The following PIP4K2A variants were observed in gnomAD, a reference collection of about 807,000 sequenced individuals.
PIP4K2A encodes the protein phosphatidylinositol 5-phosphate 4-kinase type-2 alpha.
In PIP4K2A, 14 loss-of-function variants were observed where a neutral mutation model predicts 42.9. The observed-to-expected ratio is 0.33, with a 90% CI of 0.22 to 0.51. The LOEUF is 0.51. Ranked by LOEUF, PIP4K2A falls within the 20% of genes least tolerant of loss-of-function variation. The pLI is 0.97. For synonymous variants in PIP4K2A, 192 were observed against 192.2 expected, an observed-to-expected ratio of 1.00 and a Z score of 0.01; for missense variants, 434 against 519.8, an observed-to-expected ratio of 0.83 and a Z score of 1.61.
intron 4 of PIP4K2A, 107 bp downstream of exon 4, chr10:22,591,522 G>A: frequency 8.0e-6 from 7 of 870,662 alleles, no homozygotes; most frequent in Non-Finnish European, 1.2e-5. Context: ...TATGTGAAAT[G>A]TGTTCTTCTT....
At chr10:22,674,867 G>T (rs1232563605) in intron 1 of PIP4K2A, among the ~76,000 whole-genome samples, 1 of 152,220 alleles carries the variant, frequency 6.6e-6, no homozygotes, top group African/African-American at 2.4e-5. Flanking sequence ...GCAGGCTGAG[G>T]CAGGAAGATT....
intron 1 of PIP4K2A, among the ~76,000 whole-genome samples, chr10:22,678,776 G>A (rs934377113): frequency 1.3e-5 from 2 of 152,092 alleles, no homozygotes; most frequent in Non-Finnish European, 2.9e-5. Flanking sequence ...AATGTACACA[G>A]TTTTGCAGTC....
intron 2 of PIP4K2A, among the ~76,000 whole-genome samples, chr10:22,608,579 A>T (rs911454574): frequency 4.6e-5 from 7 of 152,320 alleles, no homozygotes; most frequent in African/African-American, 1.7e-4. Flanking sequence ...GAAATTTCAT[A>T]ATTGGCCTGG....
chr10:22,550,997 G>A (rs1425649653), intron 6 of PIP4K2A, among the ~76,000 whole-genome samples: 1 of 152,162 alleles, frequency 6.6e-6, no homozygotes, highest in African/African-American at 2.4e-5. Context: ...GCAGTGGGGT[G>A]GGGGTCAGAC....
chr10:22,549,207 A>ATG (rs1357622809), intron 7 of PIP4K2A, among the ~76,000 whole-genome samples: 2 of 152,262 alleles, frequency 1.3e-5, no homozygotes, highest in Non-Finnish European at 2.9e-5. Flanking sequence ...ATCTAAAAAT[A>ATG]TTAACTACTA....
rs1252293582 is a variant in PIP4K2A at position 22,698,025 on chromosome 10, C to A, written c.144+16158G>T. On this transcript the variant is annotated intron_variant, in intron 1 of 9. Coordinates refer to ENST00000376573, the MANE Select transcript of PIP4K2A (RefSeq NM_005028.5). ...TTAACCAACCACAGACAGTGGACAG[C>A]GACCTGCTTCTGGGATGCAGGCACT... 3.3e-5 allele frequency among the ~76,000 whole-genome samples: 5 copies of A among 152,130 alleles called. No individual in the cohort carries two copies. In the East Asian group the frequency reaches 7.7e-4, roughly 23 times the overall value.
chr10:22,591,729 C>T lies in PIP4K2A; in HGVS notation c.392G>A (p.Gly131Glu). Residue 131 changes from glycine to glutamate, a missense_variant, in exon 4 of 10, where the codon GGA becomes GAA. Transcript: ENST00000376573. ...GTCGTAGGAAGTGTGAAAACGAGCT[C>T]CACTGCGGGCCTGGGAGTCGTTGGG... Reference protein sequence around the residue: ...PLPNDSQARSGARFHTSYDKR... With the variant: ...PLPNDSQARSEARFHTSYDKR... 6.2e-7 allele frequency: 1 copy of T among 1,613,530 alleles called. No homozygotes were observed. The highest frequency in any genetic ancestry group is 8.5e-7 in the Non-Finnish European group (1 of 1,179,696).
intron 3 of PIP4K2A, among the ~76,000 whole-genome samples, chr10:22,601,085 T>C (rs1210877960): frequency 2.4e-5 from 3 of 126,872 alleles, no homozygotes; most frequent in African/African-American, 8.8e-5. Context: ...TTCACGATGA[T>C]TAAAACACCA....
At chr10:22,559,850 C>G (rs1836641653) in intron 6 of PIP4K2A, among the ~76,000 whole-genome samples, 1 of 152,166 alleles carries the variant, frequency 6.6e-6, no homozygotes, top group South Asian at 2.1e-4. Flanking sequence ...CAAGCAAATC[C>G]TTTAATTTTA....
intron 1 of PIP4K2A, among the ~76,000 whole-genome samples, chr10:22,647,136 A>T (rs1838901472): frequency 6.6e-6 from 1 of 152,188 alleles, no homozygotes; most frequent in South Asian, 2.1e-4. Context: ...GCAGAATAGG[A>T]AATGCAAGGC....
intron 1 of PIP4K2A, among the ~76,000 whole-genome samples, chr10:22,614,643 C>T (rs1230157321): frequency 2.6e-5 from 4 of 152,142 alleles, no homozygotes; most frequent in Admixed American, 2.0e-4. Flanking sequence ...CAATAGTGTA[C>T]CCATGAGCCT....
At chr10:22,619,794 A>C (rs561547965) in intron 1 of PIP4K2A, among the ~76,000 whole-genome samples, 1 of 152,354 alleles carries the variant, frequency 6.6e-6, no homozygotes, top group South Asian at 2.1e-4. Flanking sequence ...AGATAAGACA[A>C]AAATCAAAGA....
chr10:22,678,974 T>C (rs1839612350), intron 1 of PIP4K2A, among the ~76,000 whole-genome samples: 2 of 152,228 alleles, frequency 1.3e-5, no homozygotes, highest in Non-Finnish European at 2.9e-5. Flanking sequence ...AAGTGTAAGA[T>C]AAATGAATAA....
intron 1 of PIP4K2A, among the ~76,000 whole-genome samples, chr10:22,662,655 T>C (rs1000581454): frequency 1.3e-5 from 2 of 152,154 alleles, no homozygotes; most frequent in South Asian, 2.1e-4. Context: ...AAGAAACTTT[T>C]AGCCCGATGA....
intron 7 of PIP4K2A, among the ~76,000 whole-genome samples, chr10:22,548,097 T>C (rs1588617155): frequency 6.6e-6 from 1 of 152,196 alleles, no homozygotes; most frequent in African/African-American, 2.4e-5. Context: ...AACAGAAAAC[T>C]CGATTAAATT....
intron 1 of PIP4K2A, among the ~76,000 whole-genome samples, chr10:22,680,662 C>T (rs1839641692): frequency 6.6e-6 from 1 of 152,188 alleles, no homozygotes; most frequent in Admixed American, 6.5e-5. Flanking sequence ...TTTATTGGCT[C>T]ATAATGACAT....
At chr10:22,672,286 T>TG (rs776977397) in intron 1 of PIP4K2A, among the ~76,000 whole-genome samples, 247 of 126,248 alleles carry the variant, frequency 2.0e-3, no homozygotes, top group South Asian at 4.6e-3. Context: ...GGGGACAGTG[T>TG]GGGGGGGGAT....
At chr10:22,561,551 A>C (rs974530515) in intron 6 of PIP4K2A, among the ~76,000 whole-genome samples, 3 of 147,278 alleles carry the variant, frequency 2.0e-5, no homozygotes, top group Non-Finnish European at 4.5e-5. Flanking sequence ...ATGTCACCAG[A>C]GATTCTCTAC....
rs1323988352 is a variant in PIP4K2A at position 22,664,053 on chromosome 10, GTATA to G, written c.144+50126_144+50129del. On this transcript the variant is annotated intron_variant, in intron 1 of 9. Coordinates refer to ENST00000376573, the MANE Select transcript of PIP4K2A (RefSeq NM_005028.5). ...TATACATATATATATATATACATAT[GTATA>G]TATACATATATATATATACGTATAT... is the stretch of plus-strand genomic sequence containing the variant. Among the ~76,000 whole-genome samples the G allele has an allele frequency of 9.0e-5, 5 of 55,578 alleles. No homozygotes were observed. The East Asian group carries it at 1.7e-3, about 19-fold the overall frequency. 36.5% of individuals were successfully genotyped at this position (55,578 alleles called of 152,430 possible).
Sources: gnomAD v4.1 joint callset for allele counts (sites outside exome capture counted in the v4.1 genomes callset) on GRCh38, gnomAD v4.1.1 for gene constraint, MANE v1.5 for transcripts, NCBI Gene and HGNC (gene_info 2026-07-23, HGNC 2026-07-21) for gene names.